Variants in MYO9A observed in about 807,000 individuals in gnomAD.
MYO9A encodes unconventional myosin-IXa.
Under a neutral mutation model 293.3 loss-of-function variants are expected in MYO9A, and 103 were observed. The ratio of observed to expected loss-of-function variants is 0.35; its 90% CI spans 0.30 to 0.41. The LOEUF (loss-of-function observed/expected upper bound fraction) is 0.41, where lower values mean the gene tolerates loss of function less well. Among genes scored for constraint, MYO9A ranks in the 10% least tolerant of loss-of-function variants. The pLI is 1.00. For missense variants in MYO9A, 2,685 were observed against 3,033.0 expected, an observed-to-expected ratio of 0.89 and a Z score of 2.69; for synonymous variants, 1,001 against 1,035.7, an observed-to-expected ratio of 0.97 and a Z score of 0.64.
At chr15:72,041,206 T>C (rs1470947681) in intron 2 of MYO9A, 3 of 1,381,414 alleles carry the variant, frequency 2.2e-6, no homozygotes, top group East Asian at 5.2e-5. Context: ...CAGGGTTTTA[T>C]GGCTACAGCA....
At chr15:72,018,568 GA>G (rs762190137) in intron 6 of MYO9A, among the ~76,000 whole-genome samples, 20 of 151,870 alleles carry the variant, frequency 1.3e-4, no homozygotes, top group Non-Finnish European at 2.6e-4. Flanking sequence ...AAAAATCAAA[GA>G]AAAATATACA....
At chr15:71,902,086 ATATACCCGAAGAGGAAGATGG>A (rs2057502435) in intron 22 of MYO9A, among the ~76,000 whole-genome samples, 1 of 152,186 alleles carries the variant, frequency 6.6e-6, no homozygotes, top group Non-Finnish European at 1.5e-5. Context: ...GGTAGATATT[ATATACCCGAAGAGGAAGATGG>A]TAAACTAATA....
At chr15:71,935,629 T>G (rs2058619496) in intron 16 of MYO9A, 145 bp from the exon 17 acceptor site, 1 of 735,156 alleles carries the variant, frequency 1.4e-6, no homozygotes, top group African/African-American at 1.8e-5. Flanking sequence ...TCCAAATGAC[T>G]GCCAATCAGT....
At chr15:71,897,309 T>C (rs2057357966) in intron 25 of MYO9A, 152 bp downstream of exon 25, 2 of 793,204 alleles carry the variant, frequency 2.5e-6, no homozygotes, top group African/African-American at 3.4e-5. Context: ...CTTCAGGTGA[T>C]GGTAGAGTCA....
intron 18 of MYO9A, among the ~76,000 whole-genome samples, chr15:71,929,670 G>A (rs548018787): frequency 6.6e-6 from 1 of 152,238 alleles, no homozygotes; most frequent in South Asian, 2.1e-4. Context: ...TTTCAATGTC[G>A]TATTGAATAT....
chr15:71,861,380 G>A (rs1486340464), intron 33 of MYO9A, among the ~76,000 whole-genome samples: 1 of 151,082 alleles, frequency 6.6e-6, no homozygotes, highest in Non-Finnish European at 1.5e-5. Context: ...AAGGTTCACT[G>A]TAAGCCAGAA....
At chr15:72,076,720 T>C (rs2079363528) in intron 1 of MYO9A, among the ~76,000 whole-genome samples, 2 of 152,214 alleles carry the variant, frequency 1.3e-5, no homozygotes, top group Admixed American at 6.5e-5. Context: ...CCAGCAAAGT[T>C]ACTTTGTGAA....
intron 1 of MYO9A, among the ~76,000 whole-genome samples, chr15:72,081,441 T>C (rs2079542668): frequency 6.6e-6 from 1 of 152,168 alleles, no homozygotes; most frequent in Non-Finnish European, 1.5e-5. Context: ...TCTTTATAGG[T>C]GCTAGATATT....
intron 2 of MYO9A, among the ~76,000 whole-genome samples, chr15:72,034,119 C>T (rs889200652): frequency 3.3e-5 from 5 of 152,228 alleles, no homozygotes; most frequent in Non-Finnish European, 7.3e-5. Context: ...CCGGCAACTA[C>T]ATCTGTACTC....
rs182616902 is a variant in MYO9A at position 71,824,264 on chromosome 15, C to T, written c.*2316G>A. On this transcript the variant is annotated 3_prime_UTR_variant, in exon 42 of 42. Transcript: ENST00000356056. ...GTCCCTGAGAAAAATTATAAAGTCT[C>T]TTAACATCCATCACCTAGTTCCTTT... The T allele has an allele frequency of 6.6e-6, 1 of 152,138 alleles. No homozygotes were observed. The highest frequency in any genetic ancestry group is 2.4e-5 in the African/African-American group (1 of 41,400). The allele number at this position is 152,138 out of a possible 1,614,324, so 9.4% of individuals were successfully genotyped here. A position where few individuals can be genotyped will look rare whatever the true frequency, so the allele number is the denominator to read the frequency against.
chr15:72,072,422 C>G (rs768403528), intron 1 of MYO9A, among the ~76,000 whole-genome samples: 1 of 152,148 alleles, frequency 6.6e-6, no homozygotes, highest in East Asian at 1.9e-4. Context: ...TGAACCACAG[C>G]GTCCAGCCAA....
Position 71,994,420 on chromosome 15 carries a change from T to C in MYO9A, c.1587+49A>G, listed in dbSNP as rs568336379. The stretch of plus-strand genomic sequence containing the variant: ...TAAATTTCATGTATTAACCAGTTTA[T>C]TAAAATAGCTTTCAGGGAAAAACAT... On this transcript the variant is annotated intron_variant, in intron 10 of 41. Transcript: ENST00000356056. 25 of 1,215,682 alleles carry C rather than the reference T, an allele frequency of 2.1e-5. No homozygotes were observed. The South Asian group carries it at 3.8e-4, about 18-fold the overall frequency. 75.3% of individuals were successfully genotyped at this position (1,215,682 alleles called of 1,614,324 possible).
chr15:72,001,557 A>G (rs1183674260), intron 8 of MYO9A, among the ~76,000 whole-genome samples: 2 of 150,946 alleles, frequency 1.3e-5, no homozygotes, highest in African/African-American at 4.9e-5. Context: ...CCATCTCAAA[A>G]AAAAAAAAAA....
At chr15:71,879,976 G>T (rs1030548420) in intron 29 of MYO9A, 139 bp from the exon 30 acceptor site, 1 of 632,094 alleles carries the variant, frequency 1.6e-6, no homozygotes, top group Non-Finnish European at 2.8e-6. Context: ...TCAGGTGAAA[G>T]TTATGACTAG....
chr15:71,824,003 T>C lies in MYO9A; in HGVS notation c.*2577A>G, dbSNP rs2054368502. 2 of 152,206 alleles carry C rather than the reference T, an allele frequency of 1.3e-5. No homozygotes were observed. The highest frequency in any genetic ancestry group is 4.8e-5 in the African/African-American group (2 of 41,452). The allele number at this position is 152,206 out of a possible 1,614,324, so 9.4% of individuals were successfully genotyped here. ...ACACAGCGTTTGGTTCTGAAGGTTTTTAAGAGTTATGGCTTCATCTCTTGA... is the reference window on the plus strand; with the variant it reads ...ACACAGCGTTTGGTTCTGAAGGTTTCTAAGAGTTATGGCTTCATCTCTTGA... On this transcript the variant is annotated 3_prime_UTR_variant, in exon 42 of 42. Coordinates refer to ENST00000356056, the MANE Select transcript of MYO9A (RefSeq NM_006901.4).
chr15:71,919,831 G>C (rs1237133822), intron 18 of MYO9A, among the ~76,000 whole-genome samples: 2 of 93,826 alleles, frequency 2.1e-5, no homozygotes, highest in Non-Finnish European at 3.9e-5. Flanking sequence ...GACAGAATAA[G>C]ACTCCATCTC....
chr15:72,003,040 C>T (rs529375830), intron 8 of MYO9A, among the ~76,000 whole-genome samples: 149 of 152,070 alleles, frequency 9.8e-4, no homozygotes, highest in Non-Finnish European at 3.4e-4. Context: ...GAGACCGAGG[C>T]GGGAGGATCA....
At chr15:72,050,606 C>CTAAATAAA (rs529684715) in intron 1 of MYO9A, among the ~76,000 whole-genome samples, 3 of 151,718 alleles carry the variant, frequency 2.0e-5, no homozygotes, top group Non-Finnish European at 4.4e-5. Context: ...GACTCCGTCT[C>CTAAATAAA]TAAATAAATA....
intron 18 of MYO9A, among the ~76,000 whole-genome samples, chr15:71,923,794 A>C (rs895766702): frequency 1.3e-5 from 2 of 151,824 alleles, no homozygotes; most frequent in Non-Finnish European, 2.9e-5. Flanking sequence ...CAAAACACTA[A>C]CTCTTAATTT....
Sources: allele counts gnomAD v4.1 joint callset (sites outside exome capture counted in the v4.1 genomes callset), GRCh38; gene constraint gnomAD v4.1.1; transcripts MANE v1.5; gene names NCBI Gene and HGNC (gene_info 2026-07-23, HGNC 2026-07-21).